Variants in CCDC85A observed in about 807,000 individuals in gnomAD.
The protein encoded by CCDC85A is coiled-coil domain-containing protein 85A.
CCDC85A carries 38 observed loss-of-function variants against 50.2 expected under a neutral mutation model. The ratio of observed to expected loss-of-function variants is 0.76; its 90% CI spans 0.58 to 0.99. The LOEUF (loss-of-function observed/expected upper bound fraction) is 0.99. Ranked by LOEUF, CCDC85A falls within the 50% of genes least tolerant of loss-of-function variation. The probability of loss-of-function intolerance (pLI) is 0.00; values close to 1 mark genes in which losing one functional copy is unlikely to be tolerated. For missense variants in CCDC85A, 820 were observed against 742.0 expected (o/e 1.11, Z -1.22); for synonymous variants, 366 against 301.4 (o/e 1.21, Z -2.22).
intron 2 of CCDC85A, among the ~76,000 whole-genome samples, chr2:56,204,323 A>T (rs1036163293): frequency 6.6e-6 from 1 of 152,240 alleles, no homozygotes; most frequent in African/African-American, 2.4e-5. Flanking sequence ...TAATAACGAC[A>T]TATAATGAAG....
chr2:56,299,442 A>C (rs1672103868), intron 2 of CCDC85A, among the ~76,000 whole-genome samples: 1 of 152,140 alleles, frequency 6.6e-6, no homozygotes, highest in Non-Finnish European at 1.5e-5. Context: ...AAGAGAATTA[A>C]AATTCATAAT....
intron 2 of CCDC85A, among the ~76,000 whole-genome samples, chr2:56,208,988 C>T (rs1259520379): frequency 1.3e-5 from 2 of 151,956 alleles, no homozygotes; most frequent in Non-Finnish European, 2.9e-5. Flanking sequence ...GTATACTGGC[C>T]CAGGGTCTGG....
chr2:56,304,319 G>A (rs549054382), intron 2 of CCDC85A, among the ~76,000 whole-genome samples: 7 of 152,100 alleles, frequency 4.6e-5, no homozygotes, highest in Admixed American at 1.3e-4. Context: ...TTTCTGAAAC[G>A]CTCTCATACT....
At chr2:56,234,453 C>T (rs78392827) in intron 2 of CCDC85A, among the ~76,000 whole-genome samples, 5,835 of 152,194 alleles carry the variant, frequency 0.038, 122 homozygotes, top group South Asian at 0.11. Context: ...CATTTCTCAG[C>T]AGCTGCTCTT....
intron 2 of CCDC85A, among the ~76,000 whole-genome samples, chr2:56,239,471 G>A (rs912442455): frequency 1.3e-5 from 2 of 152,036 alleles, no homozygotes; most frequent in Non-Finnish European, 2.9e-5. Flanking sequence ...ACTACATGTT[G>A]CTGGGAGGTA....
chr2:56,211,639 C>T (rs1268213644), intron 2 of CCDC85A, among the ~76,000 whole-genome samples: 2 of 152,002 alleles, frequency 1.3e-5, no homozygotes, highest in African/African-American at 4.8e-5. Context: ...GAGAAGGCAT[C>T]ACAATTTCCC....
chr2:56,317,514 G>A (rs1672975828), intron 2 of CCDC85A, among the ~76,000 whole-genome samples: 1 of 152,052 alleles, frequency 6.6e-6, no homozygotes, highest in Non-Finnish European at 1.5e-5. Context: ...ACTTAACCAG[G>A]CAACTCAGTT....
intron 3 of CCDC85A, among the ~76,000 whole-genome samples, chr2:56,367,936 A>C (rs1675883590): frequency 9.0e-6 from 1 of 110,858 alleles, no homozygotes; most frequent in Admixed American, 9.1e-5. Flanking sequence ...ATAGATGAGG[A>C]AACTAAGGCA....
intron 3 of CCDC85A, among the ~76,000 whole-genome samples, chr2:56,351,838 C>A (rs976894700): frequency 1.3e-5 from 2 of 152,040 alleles, no homozygotes; most frequent in Admixed American, 6.6e-5. Flanking sequence ...TTTTTCTGTG[C>A]AGAAGCTCTT....
At chr2:56,229,748 G>T (rs561413730) in intron 2 of CCDC85A, among the ~76,000 whole-genome samples, 1 of 152,142 alleles carries the variant, frequency 6.6e-6, no homozygotes, top group African/African-American at 2.4e-5. Flanking sequence ...TTTTCTGAAT[G>T]AATCATGAAA....
chr2:56,344,229 C>G (rs1674519104), intron 3 of CCDC85A, among the ~76,000 whole-genome samples: 1 of 152,110 alleles, frequency 6.6e-6, no homozygotes, highest in Non-Finnish European at 1.5e-5. Flanking sequence ...ATTAACAACA[C>G]TAATAACAAA....
chr2:56,191,321 G>A (rs551959056), intron 1 of CCDC85A, among the ~76,000 whole-genome samples: 1 of 152,144 alleles, frequency 6.6e-6, no homozygotes, highest in Non-Finnish European at 1.5e-5. Flanking sequence ...CCATGTCAGG[G>A]TCTTTGCTGT....
intron 2 of CCDC85A, among the ~76,000 whole-genome samples, chr2:56,309,841 A>C (rs1034658150): frequency 6.6e-6 from 1 of 152,160 alleles, no homozygotes; most frequent in Non-Finnish European, 1.5e-5. Context: ...TGGCTGCATC[A>C]CAGCATGGTT....
rs771198074 is a variant in CCDC85A at position 56,375,945 on chromosome 2, C to A, written c.1572+10C>A. The A allele has an allele frequency of 6.2e-7, 1 of 1,610,508 alleles. No homozygotes were observed. On this transcript the variant is annotated intron_variant, in intron 5 of 5. Coordinates refer to ENST00000407595, the MANE Select transcript of CCDC85A (RefSeq NM_001080433.2). ...GGTACATTCTCTTAAGGTAACCAATCGTGTGCAACCATTTATCCAGAGCTT... is the reference window on the plus strand; with the variant it reads ...GGTACATTCTCTTAAGGTAACCAATAGTGTGCAACCATTTATCCAGAGCTT...
At chr2:56,355,623 AAAAT>A (rs1255567165) in intron 3 of CCDC85A, among the ~76,000 whole-genome samples, 1 of 152,228 alleles carries the variant, frequency 6.6e-6, no homozygotes, top group Non-Finnish European at 1.5e-5. Flanking sequence ...AAAAAAGAGA[AAAAT>A]AAAATAAGAC....
At chr2:56,224,600 A>G (rs570646328) in intron 2 of CCDC85A, among the ~76,000 whole-genome samples, 3 of 152,264 alleles carry the variant, frequency 2.0e-5, no homozygotes, top group African/African-American at 7.2e-5. Context: ...CACTTCCTCC[A>G]CATCCTTGCC....
chr2:56,221,131 A>C (rs10490395), intron 2 of CCDC85A, among the ~76,000 whole-genome samples: 3,034 of 152,182 alleles, frequency 0.02, 53 homozygotes, highest in South Asian at 0.047. Flanking sequence ...CTTATGAATA[A>C]GAGATTAGCC....
intron 2 of CCDC85A, among the ~76,000 whole-genome samples, chr2:56,323,924 C>A (rs17047793): frequency 0.076 from 11,620 of 151,986 alleles, 1,485 homozygotes; most frequent in African/African-American, 0.26. Context: ...ATTTAGGGTA[C>A]GAAGTTTCAT....
chr2:56,213,498 CA>C (rs2103884634), intron 2 of CCDC85A, among the ~76,000 whole-genome samples: 1 of 151,966 alleles, frequency 6.6e-6, no homozygotes, highest in African/African-American at 2.4e-5. Flanking sequence ...TTTACCAAGT[CA>C]AAGATAAAAT....
Sources: gnomAD v4.1 joint callset for allele counts (sites outside exome capture counted in the v4.1 genomes callset) on GRCh38, gnomAD v4.1.1 for gene constraint, MANE v1.5 for transcripts, NCBI Gene and HGNC (gene_info 2026-07-23, HGNC 2026-07-21) for gene names.